Variants in LIPK observed in about 807,000 individuals in gnomAD.
LIPK encodes the protein lipase member K.
Under a neutral mutation model 48.6 loss-of-function variants are expected in LIPK, and 32 were observed. That is an observed-to-expected ratio of 0.66 (90% confidence interval 0.50 to 0.88). The LOEUF (loss-of-function observed/expected upper bound fraction) is 0.88, where lower values mean the gene tolerates loss of function less well. Among genes scored for constraint, LIPK ranks in the 40% least tolerant of loss-of-function variants. LIPK has a pLI of 0.00. For synonymous variants in LIPK, 164 were observed against 157.4 expected (o/e 1.04, Z -0.32); for missense variants, 507 against 478.5 (o/e 1.06, Z -0.56).
In LIPK at chr10:88,729,255, G is replaced by GGGT. The variant is rs540096272; in HGVS notation, c.224-1726_224-1725insTGG. ...CGCAATGCAGGTGGCTATCTGTTGG[G>GGGT]GGGGGGGGGCGGGGGAAGAGCAATT... On this transcript the variant is annotated intron_variant, in intron 3 of 9. Coordinates refer to ENST00000404190, the MANE Select transcript of LIPK (RefSeq NM_001080518.2). Among the ~76,000 whole-genome samples, 379 of 123,318 alleles carry GGGT rather than the reference G, an allele frequency of 3.1e-3. 12 individuals carry two copies. Among genetic ancestry groups the GGGT allele is most frequent in the African/African-American group, 8.5e-3 (290 of 34,156 alleles). The allele number at this position is 123,318 out of a possible 152,430, so 80.9% of individuals were successfully genotyped here. A position where few individuals can be genotyped will look rare whatever the true frequency, so the allele number is the denominator to read the frequency against.
At chr10:88,721,890 C>A (rs1038466278) in intron 1 of LIPK, among the ~76,000 whole-genome samples, 1 of 152,120 alleles carries the variant, frequency 6.6e-6, no homozygotes, top group African/African-American at 2.4e-5. Context: ...GAGGTAAGGA[C>A]CTGATCAACA....
At chr10:88,721,292 G>A (rs1842221128) in intron 1 of LIPK, among the ~76,000 whole-genome samples, 1 of 152,152 alleles carries the variant, frequency 6.6e-6, no homozygotes, top group African/African-American at 2.4e-5. Flanking sequence ...AAAAAACTCA[G>A]AGTATTATTA....
Position 88,752,637 on chromosome 10 carries a change from C to T in LIPK, c.1081C>T (p.Leu361Phe), listed in dbSNP as rs777376128. ...AAATTTACTTCCTCAAATTGCTAAC[C>T]TTATTTATTACAAGCTGATTCCACA... Reference protein sequence around the residue: ...VENLLPQIANLIYYKLIPHYN... With the variant: ...VENLLPQIANFIYYKLIPHYN... The change falls in exon 10 of 10, where the codon CTT (leucine) becomes TTT (phenylalanine). Residue 361 changes from leucine (L) to phenylalanine (F), a missense_variant. Leu to Phe is a conservative substitution (Grantham distance 22, BLOSUM62 0). Transcript: ENST00000404190. 3.8e-6 allele frequency: 6 copies of T among 1,572,870 alleles called. No homozygotes were observed. The South Asian group carries it at 5.8e-5, about 15-fold the overall frequency.
At chr10:88,712,511 C>T (rs1017543776) in intron 1 of LIPK, among the ~76,000 whole-genome samples, 2 of 152,126 alleles carry the variant, frequency 1.3e-5, no homozygotes, top group African/African-American at 4.8e-5. Context: ...ACATGCTGAA[C>T]AGATAAGGTG....
intron 1 of LIPK, among the ~76,000 whole-genome samples, chr10:88,709,113 C>A (rs566465698): frequency 1.3e-5 from 2 of 152,196 alleles, no homozygotes; most frequent in African/African-American, 4.8e-5. Flanking sequence ...ATTCTGCATC[C>A]ATTGATGATG....
intron 9 of LIPK, among the ~76,000 whole-genome samples, 198 bp from the exon 10 acceptor site, chr10:88,752,319 T>C (rs1842877040): frequency 6.6e-6 from 1 of 152,228 alleles, no homozygotes; most frequent in Non-Finnish European, 1.5e-5. Context: ...TGAATTGTTT[T>C]TTTCGATTCA....
At chr10:88,743,554 G>A (rs1407354284) in intron 9 of LIPK, among the ~76,000 whole-genome samples, 4 of 148,572 alleles carry the variant, frequency 2.7e-5, no homozygotes, top group Non-Finnish European at 6.0e-5. Context: ...TTCAGAGAGG[G>A]TAGGTAAATT....
At chr10:88,724,479 T>G in intron 1 of LIPK, 54 bp from the exon 2 acceptor site, 1 of 1,086,240 alleles carries the variant, frequency 9.2e-7, no homozygotes, top group South Asian at 1.4e-5. Flanking sequence ...TACACCAAAT[T>G]TCACTTCGTA....
intron 1 of LIPK, among the ~76,000 whole-genome samples, chr10:88,710,012 G>T (rs1416129823): frequency 1.3e-5 from 2 of 151,566 alleles, no homozygotes; most frequent in African/African-American, 4.8e-5. Flanking sequence ...ATAGACTATT[G>T]GTATATACAA....
intron 1 of LIPK, among the ~76,000 whole-genome samples, chr10:88,715,455 G>C (rs898059478): frequency 1.3e-5 from 2 of 151,990 alleles, no homozygotes; most frequent in East Asian, 3.9e-4. Flanking sequence ...TTATAAATTT[G>C]ACAGCTTTCT....
rs1214464 is a variant in LIPK, at chr10:88,752,549, G to C, written c.993G>C (p.Met331Ile). Reference sequence around the variant, plus strand: ...CTCCTTTATACAACATTACTAAGATGGAAGTTCCAACAGCAATATGGAATG... The same window carrying C: ...CTCCTTTATACAACATTACTAAGATCGAAGTTCCAACAGCAATATGGAATG... ...LTPPLYNITKMEVPTAIWNGG... is the reference protein window; with the variant it reads ...LTPPLYNITKIEVPTAIWNGG... The change falls in exon 10 of 10, where the codon ATG (methionine) becomes ATC (isoleucine). Residue 331 changes from methionine (M) to isoleucine (I), a missense_variant. Met to Ile is a conservative substitution (Grantham distance 10, BLOSUM62 1). Transcript: ENST00000404190. The C allele has an allele frequency of 0.2, 312,804 of 1,556,268 alleles. 33,325 individuals carry two copies. Among genetic ancestry groups the C allele is most frequent in the East Asian group, 0.32 (13,700 of 42,718 alleles).
At chr10:88,738,500 A>G (rs1015312750) in intron 7 of LIPK, among the ~76,000 whole-genome samples, 3 of 152,230 alleles carry the variant, frequency 2.0e-5, no homozygotes, top group African/African-American at 7.2e-5. Context: ...AAGATTTATA[A>G]AAGGCTTTTT....
Position 88,731,105 on chromosome 10 carries a change from G to C in LIPK, c.346G>C (p.Gly116Arg), listed in dbSNP as rs1286092662. ...LADSGYDVWL[G>R]NSRGNTWSRK... ...AGATAGTGGTTATGACGTGTGGTTGGGGAACAGCCGAGGAAACACTTGGTC... is the reference window on the plus strand; with the variant it reads ...AGATAGTGGTTATGACGTGTGGTTGCGGAACAGCCGAGGAAACACTTGGTC... The change falls in exon 4 of 10, where the codon GGG becomes CGG. Residue 116 changes from glycine (G) to arginine (R), a missense_variant. Physicochemically the swap from Gly to Arg is moderately radical, Grantham distance 125. Coordinates refer to ENST00000404190, the MANE Select transcript of LIPK (RefSeq NM_001080518.2). 4 of 1,606,576 alleles carry C rather than the reference G, an allele frequency of 2.5e-6. No homozygotes were observed. Among genetic ancestry groups the C allele is most frequent in the South Asian group, 1.1e-5 (1 of 89,156 alleles).
At position 88,740,087 on chromosome 10, in the gene LIPK, G is replaced by A. The variant is rs759959852; in HGVS notation, c.888+20G>A. 1.9e-6 allele frequency: 3 copies of A among 1,589,372 alleles called. No homozygotes were observed. The highest frequency in any genetic ancestry group is 2.2e-5 in the East Asian group (1 of 44,476). On this transcript the variant is annotated intron_variant, in intron 8 of 9. Coordinates refer to ENST00000404190, the MANE Select transcript of LIPK (RefSeq NM_001080518.2). Reference sequence around the variant, plus strand: ...GCTCAGGTAAGTGCTTCTTATTCCTGCTTGATGCACACATATCTCTGCAAG... The same window carrying A: ...GCTCAGGTAAGTGCTTCTTATTCCTACTTGATGCACACATATCTCTGCAAG...
chr10:88,712,790 C>T (rs761091385), intron 1 of LIPK, among the ~76,000 whole-genome samples: 18 of 152,140 alleles, frequency 1.2e-4, no homozygotes, highest in Admixed American at 2.6e-4. Flanking sequence ...GTGATTCTTA[C>T]TGTTACCATG....
At chr10:88,718,540 T>C (rs1842162160) in intron 1 of LIPK, among the ~76,000 whole-genome samples, 1 of 151,912 alleles carries the variant, frequency 6.6e-6, no homozygotes, top group African/African-American at 2.4e-5. Context: ...ATTTTCATTT[T>C]TCTGGGCCCT....
intron 6 of LIPK, among the ~76,000 whole-genome samples, chr10:88,736,121 A>G (rs943378721): frequency 6.6e-6 from 1 of 151,948 alleles, no homozygotes; most frequent in Non-Finnish European, 1.5e-5. Context: ...CAAGAGAGGA[A>G]GAGAGGGATG....
chr10:88,751,016 T>C (rs1842854065), intron 9 of LIPK, among the ~76,000 whole-genome samples: 1 of 152,210 alleles, frequency 6.6e-6, no homozygotes, highest in African/African-American at 2.4e-5. Context: ...TAGGATGTCA[T>C]TTACTAGCCA....
chr10:88,744,445 A>G (rs544469197), intron 9 of LIPK, among the ~76,000 whole-genome samples: 1 of 152,340 alleles, frequency 6.6e-6, no homozygotes, highest in Admixed American at 6.5e-5. Context: ...TCTCCAGTGC[A>G]GCAGTGGCCA....
Sources: allele counts gnomAD v4.1 joint callset (sites outside exome capture counted in the v4.1 genomes callset), GRCh38; gene constraint gnomAD v4.1.1; transcripts MANE v1.5; gene names NCBI Gene and HGNC (gene_info 2026-07-23, HGNC 2026-07-21).